The following DOCK3 variants were observed in gnomAD, a reference collection of about 807,000 sequenced individuals.
DOCK3 encodes the protein dedicator of cytokinesis 3.
A neutral mutation model predicts 265.6 loss-of-function variants in DOCK3; 60 were observed. That is an observed-to-expected ratio of 0.23 (90% CI 0.18 to 0.28). The LOEUF (loss-of-function observed/expected upper bound fraction) is 0.28, where lower values mean the gene tolerates loss of function less well. DOCK3 is among the 10% of genes least tolerant of loss of function. The pLI is 1.00. For synonymous variants in DOCK3, 881 were observed against 938.0 expected, an observed-to-expected ratio of 0.94 and a Z score of 1.11; for missense variants, 1,981 against 2,594.3, an observed-to-expected ratio of 0.76 and a Z score of 5.14.
intron 1 of DOCK3, among the ~76,000 whole-genome samples, chr3:50,765,928 C>G (rs922341870): frequency 6.6e-6 from 1 of 152,146 alleles, no homozygotes; most frequent in Non-Finnish European, 1.5e-5. Flanking sequence ...TTAACCACCC[C>G]CAGCCCCTGC....
chr3:50,676,951 G>A (rs2034010378), intron 1 of DOCK3, among the ~76,000 whole-genome samples: 1 of 152,172 alleles, frequency 6.6e-6, no homozygotes, highest in African/African-American at 2.4e-5. Context: ...ATAACACTAA[G>A]TGTGTTCTGA....
In DOCK3 at chr3:50,675,187, C is replaced by T; in HGVS notation, c.-77C>T. 9.9e-7 allele frequency: 1 copy of T among 1,013,406 alleles called. No homozygotes were observed. The highest frequency in any genetic ancestry group is 1.2e-6 in the Non-Finnish European group (1 of 834,150). The allele number at this position is 1,013,406 out of a possible 1,614,324, so 62.8% of individuals were successfully genotyped here. ...CGTCCCCGCCTCGACTCGCGGTGCG[C>T]CACAGCCGGGCCCGCGGCCGTCCCC... On this transcript the variant is annotated 5_prime_UTR_variant, in exon 1 of 53. Transcript: ENST00000266037. This position sits in a 1 kb window ranked among gnomAD's most constrained non-coding sequence, Gnocchi z 6.1.
intron 32 of DOCK3, among the ~76,000 whole-genome samples, chr3:51,328,620 AAGAG>A (rs1177352645): frequency 6.6e-6 from 1 of 151,844 alleles, no homozygotes; most frequent in Non-Finnish European, 1.5e-5. Flanking sequence ...AAAAAAAAAA[AAGAG>A]AGGCTATATT....
chr3:50,728,281 G>A (rs1054826150), intron 1 of DOCK3, among the ~76,000 whole-genome samples: 8 of 152,102 alleles, frequency 5.3e-5, no homozygotes, highest in African/African-American at 1.4e-4. Flanking sequence ...TAATGAATAC[G>A]TAACATCCAA....
At chr3:51,247,342 G>T (rs1387561233) in intron 22 of DOCK3, among the ~76,000 whole-genome samples, 1 of 152,216 alleles carries the variant, frequency 6.6e-6, no homozygotes, top group Non-Finnish European at 1.5e-5. Flanking sequence ...TGCTTGGACA[G>T]GTTCCCTGAC....
chr3:51,319,694 G>A (rs537775741), intron 32 of DOCK3, among the ~76,000 whole-genome samples: 1 of 151,882 alleles, frequency 6.6e-6, no homozygotes, highest in African/African-American at 2.4e-5. Flanking sequence ...GTGAAACCCC[G>A]TCTCTACTAA....
intron 5 of DOCK3, among the ~76,000 whole-genome samples, chr3:51,001,227 T>C (rs2078473675): frequency 6.6e-6 from 1 of 152,220 alleles, no homozygotes; most frequent in African/African-American, 2.4e-5. Context: ...TCCCCATGTG[T>C]AGGTGGCCCT....
intron 32 of DOCK3, among the ~76,000 whole-genome samples, chr3:51,327,293 A>G (rs1349566532): frequency 6.6e-6 from 1 of 152,180 alleles, no homozygotes; most frequent in Non-Finnish European, 1.5e-5. Flanking sequence ...GTGCTTCCCA[A>G]GATCCAGGGC....
intron 49 of DOCK3, among the ~76,000 whole-genome samples, chr3:51,373,383 G>A (rs181307615): frequency 8.9e-4 from 136 of 152,328 alleles, no homozygotes; most frequent in African/African-American, 3.1e-3. Flanking sequence ...AACCAATAGA[G>A]CCAGGCAGAG....
chr3:51,362,714 A>G, intron 49 of DOCK3, 40 bp downstream of exon 49: 1 of 1,604,118 alleles, frequency 6.2e-7, no homozygotes, highest in Non-Finnish European at 8.5e-7. Context: ...TGGAGAAGAG[A>G]GGTCTTCATC....
chr3:51,059,922 T>C (rs1254290098), intron 5 of DOCK3, among the ~76,000 whole-genome samples: 1 of 152,146 alleles, frequency 6.6e-6, no homozygotes, highest in African/African-American at 2.4e-5. Context: ...TAATAGATTA[T>C]TCTCTTCAAA....
intron 4 of DOCK3, among the ~76,000 whole-genome samples, chr3:50,897,211 A>C (rs1454049876): frequency 6.6e-6 from 1 of 152,016 alleles, no homozygotes; most frequent in African/African-American, 2.4e-5. Context: ...ATCCCTTGTA[A>C]GTTGTATTCC....
At chr3:50,890,271 A>G (rs1242896866) in intron 4 of DOCK3, among the ~76,000 whole-genome samples, 190 bp downstream of exon 4, 2 of 152,092 alleles carry the variant, frequency 1.3e-5, no homozygotes, top group East Asian at 1.9e-4. Context: ...GTTTTCTTGT[A>G]TACGGAAGAA....
intron 5 of DOCK3, among the ~76,000 whole-genome samples, chr3:50,974,872 A>T (rs1406975351): frequency 8.3e-6 from 1 of 120,156 alleles, no homozygotes; most frequent in Non-Finnish European, 1.8e-5. Context: ...TGTAAGTTGT[A>T]TTCCTAGGTA....
At chr3:50,754,582 G>A (rs1412377948) in intron 1 of DOCK3, among the ~76,000 whole-genome samples, 5 of 146,950 alleles carry the variant, frequency 3.4e-5, no homozygotes, top group East Asian at 2.0e-4. Flanking sequence ...TTTTTGGGAC[G>A]GAGTTTTGCT....
intron 2 of DOCK3, among the ~76,000 whole-genome samples, chr3:50,831,334 C>T (rs1322188623): frequency 1.3e-5 from 2 of 151,848 alleles, no homozygotes. Flanking sequence ...ACCCATCAAC[C>T]CGTCATCTAC....
At chr3:50,823,213 T>G (rs2044551302) in intron 2 of DOCK3, among the ~76,000 whole-genome samples, 2 of 152,076 alleles carry the variant, frequency 1.3e-5, no homozygotes, top group Non-Finnish European at 2.9e-5. Flanking sequence ...CAGAGGGGGA[T>G]TTGGCAGGGT....
chr3:51,119,446 G>A (rs555215651), intron 9 of DOCK3, among the ~76,000 whole-genome samples: 2 of 152,100 alleles, frequency 1.3e-5, no homozygotes, highest in South Asian at 2.1e-4. Context: ...GTGTGTCTTC[G>A]GGTTGTTCTT....
At chr3:51,061,211 T>G (rs2081396314) in intron 5 of DOCK3, among the ~76,000 whole-genome samples, 1 of 152,144 alleles carries the variant, frequency 6.6e-6, no homozygotes. Context: ...CCCATTACTG[T>G]ATATATACCC....
Sources: allele counts gnomAD v4.1 joint callset (sites outside exome capture counted in the v4.1 genomes callset), GRCh38; gene constraint gnomAD v4.1.1; non-coding constraint Gnocchi (gnomAD v3.1); transcripts MANE v1.5; gene names NCBI Gene and HGNC (gene_info 2026-07-23, HGNC 2026-07-21).